Variants in MAPKBP1 observed in about 807,000 individuals in gnomAD.
The protein encoded by MAPKBP1 is mitogen-activated protein kinase binding protein 1.
A neutral mutation model predicts 170.5 loss-of-function variants in MAPKBP1; 71 were observed. The observed-to-expected ratio is 0.42, with a 90% CI of 0.34 to 0.51. The LOEUF is 0.51. Among genes scored for constraint, MAPKBP1 ranks in the 20% least tolerant of loss-of-function variants. The pLI is 0.06. For synonymous variants in MAPKBP1, 719 were observed against 757.9 expected, an observed-to-expected ratio of 0.95 and a Z score of 0.84; for missense variants, 1,598 against 1,933.0, an observed-to-expected ratio of 0.83 and a Z score of 3.25.
intron 7 of MAPKBP1, 51 bp downstream of exon 7, chr15:41,812,704 C>T (rs2064825027): frequency 6.5e-7 from 1 of 1,540,210 alleles, no homozygotes; most frequent in Non-Finnish European, 8.7e-7. Flanking sequence ...CAGGGCCTGC[C>T]CAGCCCAACC....
chr15:41,817,747 C>G lies in MAPKBP1; in HGVS notation c.1904+12C>G, dbSNP rs773738297. On this transcript the variant is annotated intron_variant, in intron 16 of 30. Transcript: ENST00000457542. This position sits in a 1 kb window ranked among gnomAD's most constrained non-coding sequence, Gnocchi z 4.2. ...GACCGAAATATTCGGTGGGCGTCCC[C>G]TCCTCAGACTCTGCCCACATTCCTT... 2 of 1,609,808 alleles carry G rather than the reference C, an allele frequency of 1.2e-6. No individual in the cohort carries two copies. Among genetic ancestry groups the G allele is most frequent in the Non-Finnish European group, 1.7e-6 (2 of 1,178,034 alleles).
At chr15:41,787,743 A>T (rs1164557695) in intron 2 of MAPKBP1, among the ~76,000 whole-genome samples, 1 of 152,102 alleles carries the variant, frequency 6.6e-6, no homozygotes, top group African/African-American at 2.4e-5. Context: ...AAAGTCAGGG[A>T]TAAGAGTGTT....
chr15:41,822,607 G>T lies in MAPKBP1; in HGVS notation c.3244G>T (p.Val1082Phe). Residue 1082 changes from valine to phenylalanine, a missense_variant, in exon 27 of 31, where the codon GTC becomes TTC. Val to Phe is a conservative substitution (Grantham distance 50). Transcript: ENST00000457542. ...SGAAPGAPVQ[V>F]PERSESRSIS... is the part of the protein sequence containing the mutation. ...GACCTTGGTAGGGGCCCCAGTGCAG[G>T]TCCCAGAGAGGTCAGAGTCTCGGAG... 6.2e-7 allele frequency: 1 copy of T among 1,613,992 alleles called. No homozygotes were observed. The highest frequency in any genetic ancestry group is 8.5e-7 in the Non-Finnish European group (1 of 1,179,966).
At position 41,822,769 on chromosome 15, in the gene MAPKBP1, T is replaced by C. The variant is rs2065022295; in HGVS notation, c.3314+92T>C. The C allele has an allele frequency of 9.8e-5, 148 of 1,514,236 alleles. 1 individual carries two copies. In the South Asian group the frequency reaches 1.7e-3, roughly 17 times the overall value. The allele number at this position is 1,514,236 out of a possible 1,614,324, so 93.8% of individuals were successfully genotyped here. On this transcript the variant is annotated intron_variant, in intron 27 of 30. Coordinates refer to ENST00000457542, the MANE Select transcript of MAPKBP1 (RefSeq NM_014994.3). ...TCCTCTCCAGTGTTCTGTCTCTCCA[T>C]GCGCGGGGTGTTTTGCACTCCCAGT...
intron 2 of MAPKBP1, among the ~76,000 whole-genome samples, chr15:41,776,160 C>T (rs975302370): frequency 6.6e-6 from 1 of 152,156 alleles, no homozygotes; most frequent in Admixed American, 6.6e-5. Context: ...TTATTTAATC[C>T]CTTGAGGGAA....
intron 2 of MAPKBP1, among the ~76,000 whole-genome samples, chr15:41,794,124 C>T (rs754514718): frequency 2.6e-5 from 4 of 152,020 alleles, no homozygotes; most frequent in Admixed American, 6.6e-5. Context: ...CCTAGCTACT[C>T]GGGAGGCTGA....
intron 3 of MAPKBP1, among the ~76,000 whole-genome samples, chr15:41,804,464 G>T (rs78700348): frequency 6.6e-6 from 1 of 152,218 alleles, no homozygotes; most frequent in East Asian, 1.9e-4. Context: ...CCTCTGCCTG[G>T]GAAAGCCAGG....
chr15:41,813,163 G>A, intron 8 of MAPKBP1, 62 bp downstream of exon 8: 1 of 1,557,158 alleles, frequency 6.4e-7, no homozygotes, highest in Middle Eastern at 1.7e-4. Context: ...GAGAACTAGT[G>A]CCCAGGGCTT....
chr15:41,817,413 C>G lies in MAPKBP1; in HGVS notation c.1737C>G (p.Ile579Met). Reference protein sequence around the residue: ...FAASDGQVRMISCGADKSIYF... With the variant: ...FAASDGQVRMMSCGADKSIYF... ...CCAGTGATGGGCAAGTCCGCATGAT[C>G]AGCTGTGGAGCAGACAAGAGCATCT... Residue 579 changes from isoleucine to methionine, a missense_variant, in exon 15 of 31, where the codon ATC becomes ATG. Coordinates refer to ENST00000457542, the MANE Select transcript of MAPKBP1 (RefSeq NM_014994.3). The surrounding 1 kb of genome is among the most constrained non-coding windows in gnomAD (Gnocchi z 4.2). 6.2e-7 allele frequency: 1 copy of G among 1,614,090 alleles called. No homozygotes were observed. Among genetic ancestry groups the G allele is most frequent in the African/African-American group, 1.3e-5 (1 of 75,024 alleles).
chr15:41,785,394 A>G (rs1230996654), intron 2 of MAPKBP1, among the ~76,000 whole-genome samples: 2 of 152,200 alleles, frequency 1.3e-5, no homozygotes, highest in South Asian at 4.1e-4. Context: ...TTTCAGGACT[A>G]TGACTATGAT....
chr15:41,808,698 A>T (rs2064749532), intron 3 of MAPKBP1, among the ~76,000 whole-genome samples: 1 of 146,820 alleles, frequency 6.8e-6, no homozygotes, highest in African/African-American at 2.5e-5. Context: ...CTGATCTCGA[A>T]CTCCTGACCT....
chr15:41,785,348 A>G (rs796783683), intron 2 of MAPKBP1, among the ~76,000 whole-genome samples: 6 of 152,316 alleles, frequency 3.9e-5, no homozygotes, highest in African/African-American at 1.4e-4. Flanking sequence ...AAGGCTTAGC[A>G]GAAATTCTTT....
Position 41,817,038 on chromosome 15 carries a change from G to A in MAPKBP1, c.1711+3G>A. 1 of 1,581,692 alleles carries A rather than the reference G, an allele frequency of 6.3e-7. No homozygotes were observed. The highest frequency in any genetic ancestry group is 8.6e-7 in the Non-Finnish European group (1 of 1,160,612). ...CATCACTGCTGTTAAGTTTGCAGGTGCGGGCAGGGTGAATGAGACACATCC... is the reference window on the plus strand; with the variant it reads ...CATCACTGCTGTTAAGTTTGCAGGTACGGGCAGGGTGAATGAGACACATCC... On this transcript the variant is annotated splice_donor_region_variant and intron_variant, in intron 14 of 30. Coordinates refer to ENST00000457542, the MANE Select transcript of MAPKBP1 (RefSeq NM_014994.3). The surrounding 1 kb of genome is among the most constrained non-coding windows in gnomAD (Gnocchi z 4.2).
chr15:41,819,208 GTC>G (rs762296890), intron 20 of MAPKBP1, 36 bp from the exon 21 acceptor site: 1 of 1,605,612 alleles, frequency 6.2e-7, no homozygotes, highest in African/African-American at 1.3e-5. Flanking sequence ...CCCCTATTGA[GTC>G]TCCTCTCCCC....
intron 27 of MAPKBP1, 45 bp from the exon 28 acceptor site, chr15:41,822,894 G>A (rs2065024838): frequency 6.4e-7 from 1 of 1,564,452 alleles, no homozygotes; most frequent in East Asian, 2.3e-5. Flanking sequence ...GCAGGGAGGA[G>A]CATTGAGCCT....
chr15:41,806,963 G>A (rs1335033226), intron 3 of MAPKBP1, among the ~76,000 whole-genome samples: 1 of 152,210 alleles, frequency 6.6e-6, no homozygotes, highest in Non-Finnish European at 1.5e-5. Context: ...CAGCATCTGC[G>A]TTATCGTCCC....
chr15:41,792,192 G>A (rs143429675), intron 2 of MAPKBP1, among the ~76,000 whole-genome samples: 6 of 151,468 alleles, frequency 4.0e-5, no homozygotes, highest in African/African-American at 7.3e-5. Flanking sequence ...ACTTAAACAC[G>A]TGGCTTTATT....
chr15:41,784,435 G>A (rs1487645800), intron 2 of MAPKBP1, among the ~76,000 whole-genome samples: 2 of 152,030 alleles, frequency 1.3e-5, no homozygotes, highest in African/African-American at 4.8e-5. Context: ...GAGGCCAGGA[G>A]TTCAAGACTG....
In MAPKBP1 at chr15:41,815,698, A is replaced by G. The variant is rs2152080293; in HGVS notation, c.1392A>G (p.Lys464=). Residue 464 remains lysine (K), a synonymous_variant, in exon 12 of 31, where the codon AAA becomes AAG. Transcript: ENST00000457542. ...ACACAGAGCTGCCTGGAGGAGACAA[A>G]GCTGATGCATCCCTGTTGGATCCCC... The part of the protein sequence containing the change: ...LLDTELPGGD[K]ADASLLDPRV... 1 of 1,614,058 alleles carries G rather than the reference A, an allele frequency of 6.2e-7. No homozygotes were observed. Among genetic ancestry groups the G allele is most frequent in the East Asian group, 2.2e-5 (1 of 44,892 alleles).
Sources: gnomAD v4.1 joint callset for allele counts (sites outside exome capture counted in the v4.1 genomes callset) on GRCh38, gnomAD v4.1.1 for gene constraint, Gnocchi (gnomAD v3.1) non-coding constraint, MANE v1.5 for transcripts, NCBI Gene and HGNC (gene_info 2026-07-23, HGNC 2026-07-21) for gene names.